The following TASOR2 variants were observed in gnomAD, a reference collection of about 807,000 sequenced individuals.
TASOR2 encodes transcription activation suppressor family member 2.
A neutral mutation model predicts 199.5 loss-of-function variants in TASOR2; 84 were observed. That is an observed-to-expected ratio of 0.42 (90% CI 0.35 to 0.50). The LOEUF (loss-of-function observed/expected upper bound fraction) is 0.50, where lower values mean the gene tolerates loss of function less well. Among genes scored for constraint, TASOR2 ranks in the 20% least tolerant of loss-of-function variants. TASOR2 has a pLI of 0.02. For synonymous variants in TASOR2, 1,103 were observed against 1,046.6 expected, an observed-to-expected ratio of 1.05 and a Z score of -1.04; for missense variants, 2,796 against 2,835.9, an observed-to-expected ratio of 0.99 and a Z score of 0.32.
At chr10:5,718,892 T>C (rs561001426) in intron 3 of TASOR2, among the ~76,000 whole-genome samples, 1 of 152,134 alleles carries the variant, frequency 6.6e-6, no homozygotes, top group Non-Finnish European at 1.5e-5. Context: ...ATGCAGATAA[T>C]AAGCATTTCG....
rs565935046 is a variant in TASOR2 at position 5,748,646 on chromosome 10, A to G, written c.5225A>G (p.Lys1742Arg). The change falls in exon 15 of 21, where the codon AAG (lysine) becomes AGG (arginine). Residue 1742 changes from lysine to arginine, a missense_variant. Around this residue, in one of 3 missense-constraint regions of TASOR2, gnomAD observed 1,941 missense variants for 1,924.9 expected, o/e 1.01. Transcript: ENST00000328090. This position sits in a 1 kb window ranked among gnomAD's most constrained non-coding sequence, Gnocchi z 5.1. ...CAAGATGTGTCAACATGTGAAACAA[A>G]GGAGCTATTGAATGTCGGGGTTTCC... The G allele has an allele frequency of 4.4e-5, 71 of 1,614,234 alleles. No individual in the cohort carries two copies. The South Asian group carries it at 7.2e-4, about 16-fold the overall frequency.
chr10:5,743,844 TAC>T (rs1258646428), intron 14 of TASOR2: 1 of 152,222 alleles, frequency 6.6e-6, no homozygotes, highest in Non-Finnish European at 1.5e-5. Flanking sequence ...AGTATGTACT[TAC>T]GTAGGCTTTT....
exon 15 of TASOR2, chr10:5,747,454 G>C: frequency 6.2e-7 from 1 of 1,614,128 alleles, no homozygotes; most frequent in Non-Finnish European, 8.5e-7. Context: ...CAATGTGTCA[G>C]TATATCCCTC....
At chr10:5,715,643 GTTT>G (rs201986028) in intron 2 of TASOR2, among the ~76,000 whole-genome samples, 2 of 89,486 alleles carry the variant, frequency 2.2e-5, no homozygotes, top group Middle Eastern at 5.8e-3. Flanking sequence ...GGCAGTTTTG[GTTT>G]TTTTTTTGGT....
chr10:5,685,388 G>A lies in TASOR2; in HGVS notation c.-288+213G>A, dbSNP rs562477368. On this transcript the variant is annotated intron_variant, in intron 1 of 20. Transcript: ENST00000328090. The surrounding 1 kb of genome is among the most constrained non-coding windows in gnomAD (Gnocchi z 5.4). The stretch of plus-strand genomic sequence containing the variant: ...TGCGCTACAACCTGTGGCCGCGCTC[G>A]GTGTCGCCGGCAGGGAGATCCTAAC... Among the ~76,000 whole-genome samples, 45 of 152,262 alleles carry A rather than the reference G, an allele frequency of 3.0e-4. No individual in the cohort carries two copies. The highest frequency in any genetic ancestry group is 6.2e-4 in the South Asian group (3 of 4,822).
rs544098990 is a variant in TASOR2, at chr10:5,686,532, G to A, written c.-288+1357G>A. 2.0e-5 allele frequency among the ~76,000 whole-genome samples: 3 copies of A among 152,316 alleles called. No homozygotes were observed. The East Asian group carries it at 5.8e-4, about 29-fold the overall frequency. On this transcript the variant is annotated intron_variant, in intron 1 of 20. Transcript: ENST00000328090. ...GCTGTTATAAACAGTGCTTCAGGTG[G>A]TCATGATAGTATTTCTGTAGAATTG...
Position 5,697,334 on chromosome 10 carries a change from G to A in TASOR2, c.-288+12159G>A, listed in dbSNP as rs139377112. Among the ~76,000 whole-genome samples, 694 of 152,282 alleles carry A rather than the reference G, an allele frequency of 4.6e-3. 6 individuals are homozygous for A. The highest frequency in any genetic ancestry group is 0.016 in the African/African-American group (663 of 41,552). ...ATGCAAGTGCTGTTAGGTATCCCCAGTGGGAAGTTCCAACAGTTCTGTGAC... is the reference window on the plus strand; with the variant it reads ...ATGCAAGTGCTGTTAGGTATCCCCAATGGGAAGTTCCAACAGTTCTGTGAC... On this transcript the variant is annotated intron_variant, in intron 1 of 20. Transcript: ENST00000328090.
At chr10:5,755,895 G>C (rs1459254959) in intron 15 of TASOR2, among the ~76,000 whole-genome samples, 1 of 152,056 alleles carries the variant, frequency 6.6e-6, no homozygotes, top group African/African-American at 2.4e-5. Flanking sequence ...GGGAGGCTGA[G>C]GTAGGAGGAT....
rs910169249 is a variant in TASOR2 at position 5,719,833 on chromosome 10, C to T, written c.-99-711C>T. Among the ~76,000 whole-genome samples the T allele has an allele frequency of 2.6e-5, 4 of 152,122 alleles. No homozygotes were observed. The highest frequency in any genetic ancestry group is 4.4e-5 in the Non-Finnish European group (3 of 68,016). Reference sequence around the variant, plus strand: ...TCTCAGTTTATAATTTACAACTGATCATAGTTCAGATTGGAAACTCATCTT... The same window carrying T: ...TCTCAGTTTATAATTTACAACTGATTATAGTTCAGATTGGAAACTCATCTT... On this transcript the variant is annotated intron_variant, in intron 3 of 20. Transcript: ENST00000328090. The surrounding 1 kb of genome is among the most constrained non-coding windows in gnomAD (Gnocchi z 4.1).
chr10:5,763,081 A>G (rs751550916), exon 21 of TASOR2: 1 of 1,598,746 alleles, frequency 6.3e-7, no homozygotes, highest in East Asian at 2.3e-5. Flanking sequence ...AAAAATTAGT[A>G]TTTTCCCTTT....
intron 1 of TASOR2, among the ~76,000 whole-genome samples, chr10:5,691,818 G>A (rs888514472): frequency 1.3e-5 from 2 of 152,036 alleles, no homozygotes; most frequent in African/African-American, 4.8e-5. Flanking sequence ...TGGCTTATTG[G>A]GAAGGGACCT....
At chr10:5,736,746 G>A (rs1313620300) in intron 12 of TASOR2, among the ~76,000 whole-genome samples, 3 of 151,986 alleles carry the variant, frequency 2.0e-5, no homozygotes, top group African/African-American at 4.8e-5. Flanking sequence ...TTTCCTCCTG[G>A]ATCTACTTTC....
intron 17 of TASOR2, among the ~76,000 whole-genome samples, 173 bp from the exon 19 acceptor site, chr10:5,758,714 G>C (rs1380903365): frequency 2.7e-4 from 41 of 152,226 alleles, no homozygotes; most frequent in Non-Finnish European, 4.4e-5. Flanking sequence ...AGGCTGAGGG[G>C]CTTGTGAGAG....
intron 15 of TASOR2, among the ~76,000 whole-genome samples, chr10:5,755,852 C>T (rs558346252): frequency 1.3e-5 from 2 of 151,958 alleles, no homozygotes; most frequent in Non-Finnish European, 2.9e-5. Context: ...AAAAGCCGGG[C>T]CCAGTGATGT....
At chr10:5,747,013 C>A (rs758517784) in exon 15 of TASOR2, 7 of 1,614,010 alleles carry the variant, frequency 4.3e-6, no homozygotes, top group African/African-American at 1.3e-5. Flanking sequence ...TTCAGAAGGG[C>A]TTCTAGAACT....
chr10:5,714,240 A>G, intron 2 of TASOR2, 33 bp downstream of exon 3: 1 of 1,211,260 alleles, frequency 8.3e-7, no homozygotes, highest in Non-Finnish European at 1.0e-6. Context: ...ATCTTAAAAA[A>G]AAATCTTCTT....
chr10:5,707,968 C>T (rs1296803800), intron 1 of TASOR2, among the ~76,000 whole-genome samples: 1 of 152,244 alleles, frequency 6.6e-6, no homozygotes, highest in East Asian at 1.9e-4. Flanking sequence ...TAATTTTCCC[C>T]TACATAAACA....
intron 13 of TASOR2, among the ~76,000 whole-genome samples, chr10:5,741,600 T>C (rs1396795569): frequency 6.6e-6 from 1 of 152,238 alleles, no homozygotes; most frequent in African/African-American, 2.4e-5. Context: ...TGCAGAACTG[T>C]AGTCTGAAAA....
chr10:5,688,771 T>C (rs1008111481), intron 1 of TASOR2, among the ~76,000 whole-genome samples: 1 of 151,916 alleles, frequency 6.6e-6, no homozygotes, highest in Non-Finnish European at 1.5e-5. Context: ...CTTTGGGAAG[T>C]TGAGCTGGGA....
Sources: gnomAD v4.1 joint callset for allele counts (sites outside exome capture counted in the v4.1 genomes callset) on GRCh38, gnomAD v4.1.1 for gene constraint, gnomAD v4.1.1 regional missense constraint, Gnocchi (gnomAD v3.1) non-coding constraint, MANE v1.5 for transcripts, NCBI Gene and HGNC (gene_info 2026-07-23, HGNC 2026-07-21) for gene names.